Variants in KCNMB4 observed in about 807,000 individuals in gnomAD.
The protein encoded by KCNMB4 is calcium-activated potassium channel subunit beta-4.
A neutral mutation model predicts 20.7 loss-of-function variants in KCNMB4; 3 were observed. That is an observed-to-expected ratio of 0.14 (90% CI 0.07 to 0.37). KCNMB4 has a LOEUF of 0.37. Ranked by LOEUF, KCNMB4 falls within the 10% of genes least tolerant of loss-of-function variation. The pLI, the probability that KCNMB4 is intolerant of heterozygous loss-of-function variation, is 1.00. For synonymous variants in KCNMB4, 110 were observed against 113.4 expected (o/e 0.97, Z 0.19); for missense variants, 168 against 265.9 (o/e 0.63, Z 2.56).
intron 2 of KCNMB4, among the ~76,000 whole-genome samples, chr12:70,405,314 A>T (rs181158260): frequency 4.5e-4 from 68 of 152,312 alleles, no homozygotes; most frequent in Middle Eastern, 6.8e-3. Flanking sequence ...AATCTGATTT[A>T]AAAAAAGGCT....
chr12:70,424,592 G>A (rs1355311959), intron 2 of KCNMB4, among the ~76,000 whole-genome samples: 2 of 151,802 alleles, frequency 1.3e-5, no homozygotes, highest in African/African-American at 2.4e-5. Flanking sequence ...TCTACTAAAC[G>A]TACAAAAATT....
intron 1 of KCNMB4, among the ~76,000 whole-genome samples, chr12:70,380,162 T>G (rs919652160): frequency 2.0e-5 from 3 of 152,196 alleles, no homozygotes; most frequent in Non-Finnish European, 2.9e-5. Context: ...TGTAGAGGTA[T>G]TAATTGGCCT....
chr12:70,381,939 T>G (rs1883794255), intron 1 of KCNMB4, among the ~76,000 whole-genome samples: 1 of 152,236 alleles, frequency 6.6e-6, no homozygotes. Context: ...TTTGCAAATT[T>G]CAGCATTTCA....
chr12:70,383,625 C>T (rs1289591780), intron 1 of KCNMB4, among the ~76,000 whole-genome samples: 1 of 152,170 alleles, frequency 6.6e-6, no homozygotes, highest in Non-Finnish European at 1.5e-5. Flanking sequence ...AGAAAAACAC[C>T]CTTCCTTGCC....
intron 1 of KCNMB4, among the ~76,000 whole-genome samples, chr12:70,377,655 C>G (rs1162550925): frequency 6.6e-6 from 1 of 152,148 alleles, no homozygotes; most frequent in Non-Finnish European, 1.5e-5. Flanking sequence ...GCATGTGATG[C>G]TATTTAATAG....
intron 2 of KCNMB4, among the ~76,000 whole-genome samples, chr12:70,416,403 A>G (rs1376796696): frequency 6.6e-6 from 1 of 152,216 alleles, no homozygotes; most frequent in Admixed American, 6.5e-5. Context: ...CCAATCTGAC[A>G]GTTATTTACA....
chr12:70,428,460 C>G (rs1252916674), intron 2 of KCNMB4, among the ~76,000 whole-genome samples: 1 of 152,222 alleles, frequency 6.6e-6, no homozygotes, highest in Non-Finnish European at 1.5e-5. Context: ...ACCTGAGAGA[C>G]AGCTTTTACC....
At chr12:70,372,768 A>G (rs894512242) in intron 1 of KCNMB4, among the ~76,000 whole-genome samples, 1 of 152,204 alleles carries the variant, frequency 6.6e-6, no homozygotes, top group Non-Finnish European at 1.5e-5. Flanking sequence ...GGACACAAAT[A>G]ACTGTCAAAC....
chr12:70,386,865 C>T (rs1428752400), intron 1 of KCNMB4, among the ~76,000 whole-genome samples: 1 of 152,040 alleles, frequency 6.6e-6, no homozygotes, highest in Non-Finnish European at 1.5e-5. Context: ...AGAATGAGAC[C>T]TCTATCTGTA....
chr12:70,373,494 T>C (rs1238854289), intron 1 of KCNMB4, among the ~76,000 whole-genome samples: 6 of 152,164 alleles, frequency 3.9e-5, no homozygotes, highest in Non-Finnish European at 5.9e-5. Context: ...AAATGAATTT[T>C]CCGCTAGGCA....
chr12:70,420,941 C>G (rs1869035063), intron 2 of KCNMB4, among the ~76,000 whole-genome samples: 1 of 128,666 alleles, frequency 7.8e-6, no homozygotes, highest in African/African-American at 2.9e-5. Flanking sequence ...ACCTGTAGTC[C>G]CAGCGGGAGG....
intron 1 of KCNMB4, among the ~76,000 whole-genome samples, chr12:70,387,665 T>G (rs1868268798): frequency 6.6e-6 from 1 of 152,014 alleles, no homozygotes; most frequent in South Asian, 2.1e-4. Flanking sequence ...GAGTGTTGTT[T>G]TTTTTTAATT....
chr12:70,415,584 G>T (rs1422032589), intron 2 of KCNMB4, among the ~76,000 whole-genome samples: 1 of 152,174 alleles, frequency 6.6e-6, no homozygotes, highest in Non-Finnish European at 1.5e-5. Context: ...AATCTGAAAT[G>T]CCAGACCAAA....
intron 2 of KCNMB4, among the ~76,000 whole-genome samples, chr12:70,414,987 T>TA: frequency 6.6e-6 from 1 of 152,318 alleles, no homozygotes; most frequent in African/African-American, 2.4e-5. Flanking sequence ...AAGTTATCGA[T>TA]AAAAATGCTG....
chr12:70,380,063 G>C (rs1433018618), intron 1 of KCNMB4, among the ~76,000 whole-genome samples: 2 of 152,208 alleles, frequency 1.3e-5, no homozygotes, highest in Non-Finnish European at 2.9e-5. Flanking sequence ...CTTTTGATGT[G>C]CTCTCCTCAT....
intron 1 of KCNMB4, among the ~76,000 whole-genome samples, chr12:70,396,952 A>G (rs897775047): frequency 6.6e-6 from 1 of 152,220 alleles, no homozygotes; most frequent in East Asian, 1.9e-4. Context: ...CACTAAGTGA[A>G]TTGAGAAGGA....
Position 70,367,072 on chromosome 12 carries a change from T to TAAG in KCNMB4, c.336+5_336+7dup. The TAAG allele has an allele frequency of 6.6e-7, 1 of 1,505,290 alleles. No individual in the cohort carries two copies. The highest frequency in any genetic ancestry group is 1.8e-4 in the Middle Eastern group (1 of 5,626). 93.2% of individuals were successfully genotyped at this position (1,505,290 alleles called of 1,614,324 possible). ...CACCAGCTCCTGACCAACCCCAAGGTAAGAACGCCCCGCGCACCCAGGGGC... is the reference window on the plus strand; with the variant it reads ...CACCAGCTCCTGACCAACCCCAAGGTAAGAAGAACGCCCCGCGCACCCAGGGGC... On this transcript the variant is annotated splice_region_variant and intron_variant, in intron 1 of 2. Transcript: ENST00000258111.
In KCNMB4 at chr12:70,418,298, G is replaced by A. The variant is rs551592210; in HGVS notation, c.465-12187G>A. 1.4e-4 allele frequency among the ~76,000 whole-genome samples: 21 copies of A among 152,298 alleles called. No homozygotes were observed. The South Asian group carries it at 3.7e-3, about 27-fold the overall frequency. The stretch of plus-strand genomic sequence containing the variant: ...CACCCACGTTGCAAGTGTGTGATCT[G>A]TGATTATATCTCTTTTCTGTGTCCT... On this transcript the variant is annotated intron_variant, in intron 2 of 2. Coordinates refer to ENST00000258111, the MANE Select transcript of KCNMB4 (RefSeq NM_014505.6).
intron 2 of KCNMB4, among the ~76,000 whole-genome samples, chr12:70,420,018 G>T (rs976361401): frequency 1.3e-5 from 2 of 152,064 alleles, no homozygotes; most frequent in Non-Finnish European, 2.9e-5. Flanking sequence ...ACTGAAAAAA[G>T]AATGAAAAAA....
Sources: gnomAD v4.1 joint callset for allele counts (sites outside exome capture counted in the v4.1 genomes callset) on GRCh38, gnomAD v4.1.1 for gene constraint, MANE v1.5 for transcripts, NCBI Gene and HGNC (gene_info 2026-07-23, HGNC 2026-07-21) for gene names.